The following HECW1 variants were observed in gnomAD, a reference collection of about 807,000 sequenced individuals.
HECW1 encodes the protein E3 ubiquitin-protein ligase HECW1.
HECW1 carries 61 observed loss-of-function variants against 182.3 expected under a neutral mutation model. That is an observed-to-expected ratio of 0.33 (90% CI 0.27 to 0.41). The LOEUF (loss-of-function observed/expected upper bound fraction) is 0.41, where lower values mean the gene tolerates loss of function less well. Ranked by LOEUF, HECW1 falls within the 10% of genes least tolerant of loss-of-function variation. The pLI, the probability that HECW1 is intolerant of heterozygous loss-of-function variation, is 1.00. For missense variants in HECW1, 1,739 were observed against 2,108.9 expected (o/e 0.82, Z 3.44); for synonymous variants, 859 against 832.6 (o/e 1.03, Z -0.55).
Position 43,561,932 on chromosome 7 carries a change from T to G in HECW1, c.*6T>G. ...GCACCTTTGGACTTGAGTGAGGACA[T>G]GGAACCTCGCCTGACATTTTCCTGG... On this transcript the variant is annotated 3_prime_UTR_variant, in exon 30 of 30. Coordinates refer to ENST00000395891, the MANE Select transcript of HECW1 (RefSeq NM_015052.5). 6.5e-7 allele frequency: 1 copy of G among 1,543,436 alleles called. No individual in the cohort carries two copies. Among genetic ancestry groups the G allele is most frequent in the Non-Finnish European group, 9.0e-7 (1 of 1,115,654 alleles).
In HECW1 at chr7:43,338,927, T is replaced by C. The variant is rs74845161; in HGVS notation, c.460+18185T>C. Among the ~76,000 whole-genome samples, 186 of 152,284 alleles carry C rather than the reference T, an allele frequency of 1.2e-3. 1 individual carries two copies. In the East Asian group the frequency reaches 0.025, roughly 20 times the overall value. ...TCTGAAAACATCACTATTTCACCTATAGTTTTGAAGAGTAATTTCACAATA... is the reference window on the plus strand; with the variant it reads ...TCTGAAAACATCACTATTTCACCTACAGTTTTGAAGAGTAATTTCACAATA... On this transcript the variant is annotated intron_variant, in intron 5 of 29. Coordinates refer to ENST00000395891, the MANE Select transcript of HECW1 (RefSeq NM_015052.5).
intron 5 of HECW1, among the ~76,000 whole-genome samples, chr7:43,343,281 T>TA (rs1286132731): frequency 7.1e-6 from 1 of 140,102 alleles, no homozygotes; most frequent in Non-Finnish European, 1.6e-5. Context: ...TTTTTTTTTT[T>TA]AATTATACTT....
intron 28 of HECW1, among the ~76,000 whole-genome samples, chr7:43,554,220 A>G (rs1355564922): frequency 1.3e-5 from 2 of 152,206 alleles, no homozygotes; most frequent in Non-Finnish European, 2.9e-5. Context: ...CAAAGGAAAT[A>G]TGATGCAATA....
chr7:43,189,866 C>T lies in HECW1; in HGVS notation c.-31-54009C>T, dbSNP rs201342808. On this transcript the variant is annotated intron_variant, in intron 2 of 29. Transcript: ENST00000395891. ...ACCTCACTGCCCAGTTCCAAAAGTG[C>T]CTGGTATATAGAATACAGTAGCAGA... is the stretch of plus-strand genomic sequence containing the variant. Among the ~76,000 whole-genome samples the T allele has an allele frequency of 3.9e-5, 6 of 152,188 alleles. No homozygotes were observed. In the South Asian group the frequency reaches 6.3e-4, roughly 16 times the overall value.
intron 24 of HECW1, among the ~76,000 whole-genome samples, chr7:43,523,471 GC>G (rs2080610781): frequency 6.6e-6 from 1 of 152,112 alleles, no homozygotes; most frequent in African/African-American, 2.4e-5. Context: ...TGGAAGAAGA[GC>G]CCAGAGGAGG....
intron 16 of HECW1, among the ~76,000 whole-genome samples, chr7:43,474,941 A>C (rs1350119736): frequency 6.6e-6 from 1 of 152,186 alleles, no homozygotes; most frequent in African/African-American, 2.4e-5. Flanking sequence ...ATTTATAGAG[A>C]TAGAAAGTAG....
At chr7:43,324,388 G>A (rs989664376) in intron 5 of HECW1, among the ~76,000 whole-genome samples, 2 of 152,154 alleles carry the variant, frequency 1.3e-5, no homozygotes, top group Non-Finnish European at 2.9e-5. Flanking sequence ...TTAGGGATCT[G>A]AATGCATTAA....
Position 43,184,837 on chromosome 7 carries a change from C to G in HECW1, c.-31-59038C>G, listed in dbSNP as rs139939538. Among the ~76,000 whole-genome samples the G allele has an allele frequency of 2.6e-5, 4 of 152,190 alleles. No individual in the cohort carries two copies. The East Asian group carries it at 7.7e-4, about 29-fold the overall frequency. On this transcript the variant is annotated intron_variant, in intron 2 of 29. Transcript: ENST00000395891. ...GCTTGGGGAGGCCTCAGAAAACTTACAGTGATAGCGGAAGGTGAAGGGGAA... is the reference window on the plus strand; with the variant it reads ...GCTTGGGGAGGCCTCAGAAAACTTAGAGTGATAGCGGAAGGTGAAGGGGAA...
chr7:43,360,012 T>C (rs76050272), intron 5 of HECW1, among the ~76,000 whole-genome samples: 1 of 152,186 alleles, frequency 6.6e-6, no homozygotes, highest in East Asian at 1.9e-4. Flanking sequence ...CATCACATCA[T>C]CACAATCACT....
At chr7:43,353,084 T>C (rs906762177) in intron 5 of HECW1, among the ~76,000 whole-genome samples, 1 of 152,156 alleles carries the variant, frequency 6.6e-6, no homozygotes. Context: ...TACATATTTA[T>C]AGTGGTAGAA....
At chr7:43,118,135 T>C (rs576574918) in intron 2 of HECW1, 7 of 152,496 alleles carry the variant, frequency 4.6e-5, no homozygotes, top group African/African-American at 1.7e-4. Context: ...TCATTCGGGG[T>C]CCCTTTTATA....
At chr7:43,404,591 A>G (rs2075540051) in intron 7 of HECW1, among the ~76,000 whole-genome samples, 1 of 152,222 alleles carries the variant, frequency 6.6e-6, no homozygotes, top group African/African-American at 2.4e-5. Context: ...AGAACAGAAC[A>G]AAGTGTATCG....
intron 2 of HECW1, among the ~76,000 whole-genome samples, chr7:43,208,525 C>A (rs1043031790): frequency 1.3e-5 from 2 of 152,234 alleles, no homozygotes. Flanking sequence ...AGGGTCTGGG[C>A]CTGGCAGTAT....
intron 2 of HECW1, among the ~76,000 whole-genome samples, chr7:43,204,127 A>G (rs1795251675): frequency 1.3e-5 from 2 of 152,230 alleles, no homozygotes; most frequent in South Asian, 4.1e-4. Context: ...CCTTGGCACC[A>G]TAATAAATAA....
At chr7:43,550,836 GC>G (rs1442896659) in intron 27 of HECW1, among the ~76,000 whole-genome samples, 3 of 152,354 alleles carry the variant, frequency 2.0e-5, no homozygotes, top group African/African-American at 7.2e-5. Context: ...ATGCTTTCAA[GC>G]AACTGGCATG....
At chr7:43,383,483 C>T (rs527573348) in intron 6 of HECW1, among the ~76,000 whole-genome samples, 4 of 152,270 alleles carry the variant, frequency 2.6e-5, no homozygotes, top group East Asian at 3.9e-4. Flanking sequence ...TTCTAACTGG[C>T]GTGAAATGGC....
chr7:43,493,676 T>A (rs1341390878), intron 19 of HECW1, among the ~76,000 whole-genome samples: 1 of 152,214 alleles, frequency 6.6e-6, no homozygotes, highest in African/African-American at 2.4e-5. Context: ...GTGGAAGGGA[T>A]AGCGATCTGA....
Position 43,444,729 on chromosome 7 carries a change from G to A in HECW1, c.1557G>A (p.Glu519=), listed in dbSNP as rs773639615. Residue 519 remains glutamate, a synonymous_variant, in exon 11 of 30, where the codon GAG becomes GAA. Transcript: ENST00000395891. The surrounding 1 kb of genome is among the most constrained non-coding windows in gnomAD (Gnocchi z 4.3). ...ATGTGTCTACCCTGGAGCAGGGAGA[G>A]GGCAGGCTGCAGCTGCGGGCCTCGG... ...EGDVSTLEQG[E]GRLQLRASVK... 6.2e-7 allele frequency: 1 copy of A among 1,612,944 alleles called. No individual in the cohort carries two copies. Among genetic ancestry groups the A allele is most frequent in the Non-Finnish European group, 8.5e-7 (1 of 1,179,474 alleles).
intron 5 of HECW1, among the ~76,000 whole-genome samples, chr7:43,345,603 C>T (rs1013798163): frequency 5.9e-5 from 9 of 152,070 alleles, no homozygotes; most frequent in Middle Eastern, 3.4e-3. Flanking sequence ...CCCACAAGTC[C>T]CCAAAGTCCA....
Sources: allele counts gnomAD v4.1 joint callset (sites outside exome capture counted in the v4.1 genomes callset), GRCh38; gene constraint gnomAD v4.1.1; non-coding constraint Gnocchi (gnomAD v3.1); transcripts MANE v1.5; gene names NCBI Gene and HGNC (gene_info 2026-07-23, HGNC 2026-07-21).